The following LOC400499 variants were observed in gnomAD, a reference collection of about 807,000 sequenced individuals.
At chr16:11,523,506 G>A in the LOC400499 span, 1 of 398,580 alleles carries the variant, frequency 2.5e-6, no homozygotes, top group African/African-American at 2.1e-5. Context: ...ACCAGGGTGA[G>A]GCCAGAAAGA....
At chr16:11,462,112 C>T in the LOC400499 span, 1 of 1,490,120 alleles carries the variant, frequency 6.7e-7, no homozygotes, top group South Asian at 1.3e-5. Context: ...GGTCTCATCT[C>T]CTACCTGTCA....
At chr16:11,403,254 G>C in the LOC400499 span, among the ~76,000 whole-genome samples, 1 of 152,192 alleles carries the variant, frequency 6.6e-6, no homozygotes, top group African/African-American at 2.4e-5. Context: ...ACTGGCACTG[G>C]CTGGTTCTCA....
At chr16:11,502,661 C>T in the LOC400499 span, among the ~76,000 whole-genome samples, 1 of 150,270 alleles carries the variant, frequency 6.7e-6, no homozygotes, top group Non-Finnish European at 1.5e-5. Flanking sequence ...GTTGCCCAGG[C>T]TACAGGGCAG....
chr16:11,458,469 T>C, the LOC400499 span, among the ~76,000 whole-genome samples: 64,136 of 149,742 alleles, frequency 0.43, 14,280 homozygotes, highest in Non-Finnish European at 0.5. Context: ...TGCACCATTG[T>C]ACTCCAGTGT....
the LOC400499 span, chr16:11,473,067 G>A: frequency 6.6e-6 from 1 of 151,892 alleles, no homozygotes; most frequent in East Asian, 1.9e-4. Context: ...AGAGAGCCGA[G>A]ATTGCGCCAC....
chr16:11,491,731 G>A, the LOC400499 span: 307 of 397,126 alleles, frequency 7.7e-4, 2 homozygotes, highest in African/African-American at 5.0e-3. Context: ...GCCTGGGTGC[G>A]CCGCACCTGG....
chr16:11,460,618 G>A, the LOC400499 span: 10 of 1,525,532 alleles, frequency 6.6e-6, no homozygotes, highest in African/African-American at 4.1e-5. Context: ...GACCTGTGTG[G>A]ATCAACCCAG....
At chr16:11,466,003 T>C in the LOC400499 span, among the ~76,000 whole-genome samples, 4 of 152,244 alleles carry the variant, frequency 2.6e-5, no homozygotes, top group African/African-American at 7.2e-5. Flanking sequence ...ATGGTGTTCA[T>C]GGCAGAATAT....
the LOC400499 span, among the ~76,000 whole-genome samples, chr16:11,521,089 G>A: frequency 6.6e-6 from 1 of 152,160 alleles, no homozygotes; most frequent in Admixed American, 6.5e-5. Flanking sequence ...TAATAAAGCA[G>A]CATCTCTGAC....
At chr16:11,486,754 G>A in the LOC400499 span, among the ~76,000 whole-genome samples, 2 of 44,050 alleles carry the variant, frequency 4.5e-5, no homozygotes, top group Admixed American at 2.5e-4. Flanking sequence ...ATGGGTGGGT[G>A]GGTGGATGGA....
At chr16:11,385,264 CTG>C in the LOC400499 span, 1 of 1,232,322 alleles carries the variant, frequency 8.1e-7, no homozygotes, top group East Asian at 3.2e-5. Flanking sequence ...ACGAACAGGG[CTG>C]TGAGCCCCGA....
At chr16:11,479,003 A>G in the LOC400499 span, among the ~76,000 whole-genome samples, 2 of 152,234 alleles carry the variant, frequency 1.3e-5, no homozygotes, top group East Asian at 3.8e-4. Flanking sequence ...AAGCCTCCCC[A>G]GTCAGTTGGA....
At chr16:11,440,074 C>T in the LOC400499 span, among the ~76,000 whole-genome samples, 2 of 151,998 alleles carry the variant, frequency 1.3e-5, no homozygotes, top group Admixed American at 1.3e-4. Context: ...TTATATAACA[C>T]TAAAAGCCCA....
the LOC400499 span, among the ~76,000 whole-genome samples, chr16:11,386,186 G>A: frequency 6.6e-6 from 1 of 152,216 alleles, no homozygotes; most frequent in African/African-American, 2.4e-5. Context: ...TTCAGGGTAG[G>A]GAACAGATGG....
At chr16:11,450,900 C>G in the LOC400499 span, 1 of 1,263,926 alleles carries the variant, frequency 7.9e-7, no homozygotes, top group Non-Finnish European at 1.1e-6. Flanking sequence ...TCCCGAGAGT[C>G]TCATCACAGC....
At chr16:11,474,802 G>A in the LOC400499 span, among the ~76,000 whole-genome samples, 2 of 152,110 alleles carry the variant, frequency 1.3e-5, no homozygotes, top group African/African-American at 4.8e-5. Flanking sequence ...CTGGGGAGAT[G>A]GAGGCTGCAG....
the LOC400499 span, chr16:11,392,634 C>T: frequency 6.3e-4 from 329 of 520,468 alleles, 2 homozygotes; most frequent in African/African-American, 5.5e-3. Context: ...CCTTGAGCTG[C>T]ACCACCTAGA....
At chr16:11,486,376 T>G in the LOC400499 span, among the ~76,000 whole-genome samples, 1 of 134,952 alleles carries the variant, frequency 7.4e-6, no homozygotes, top group Non-Finnish European at 1.5e-5. Context: ...GATGGCTGGG[T>G]GGGTGTGTGG....
At chr16:11,410,633 T>C in the LOC400499 span, among the ~76,000 whole-genome samples, 1 of 152,114 alleles carries the variant, frequency 6.6e-6, no homozygotes, top group Non-Finnish European at 1.5e-5. Flanking sequence ...TACCAAAACA[T>C]GGTGGCTGGT....
Sources: allele counts gnomAD v4.1 joint callset (sites outside exome capture counted in the v4.1 genomes callset), GRCh38; gene constraint gnomAD v4.1.1; transcripts MANE v1.5.